The following GALNT13 variants were observed in gnomAD, a reference collection of about 807,000 sequenced individuals.
GALNT13 encodes polypeptide N-acetylgalactosaminyltransferase 13, also known as UDP-GalNAc:polypeptide N-acetylgalactosaminyltransferase 13.
A neutral mutation model predicts 64.2 loss-of-function variants in GALNT13; 28 were observed. The observed-to-expected ratio is 0.44, with a 90% CI of 0.32 to 0.60. The LOEUF (loss-of-function observed/expected upper bound fraction) is 0.60, where lower values mean the gene tolerates loss of function less well. Among genes scored for constraint, GALNT13 ranks in the 20% least tolerant of loss-of-function variants. The pLI, the probability that GALNT13 is intolerant of heterozygous loss-of-function variation, is 0.05. For missense variants in GALNT13, 577 were observed against 669.8 expected (o/e 0.86, Z 1.53); for synonymous variants, 214 against 224.6 (o/e 0.95, Z 0.42).
chr2:153,504,002 T>C, the GALNT13 span, among the ~76,000 whole-genome samples: 1 of 152,214 alleles, frequency 6.6e-6, no homozygotes, highest in Non-Finnish European at 1.5e-5. Flanking sequence ...ATATTGATTC[T>C]ACCCATCCAC....
chr2:154,285,235 G>A (rs538603035), intron 8 of GALNT13, among the ~76,000 whole-genome samples: 2 of 152,106 alleles, frequency 1.3e-5, no homozygotes, highest in East Asian at 1.9e-4. Context: ...AATTTAATTT[G>A]TCTCTTTTTG....
At chr2:153,079,673 T>G in the GALNT13 span, among the ~76,000 whole-genome samples, 12 of 152,314 alleles carry the variant, frequency 7.9e-5, no homozygotes, top group Non-Finnish European at 1.2e-4. Flanking sequence ...AATTTTTCTT[T>G]AATACTACTA....
chr2:154,065,381 C>G (rs1034215779), intron 3 of GALNT13, among the ~76,000 whole-genome samples: 1 of 152,146 alleles, frequency 6.6e-6, no homozygotes, highest in African/African-American at 2.4e-5. Context: ...CTTGAGCAAA[C>G]ATAGGTGGTA....
intron 4 of GALNT13, among the ~76,000 whole-genome samples, chr2:154,240,596 G>C (rs1039779413): frequency 2.6e-5 from 4 of 152,210 alleles, no homozygotes; most frequent in Non-Finnish European, 5.9e-5. Context: ...CTCTAGGGCA[G>C]TATATGGACG....
intron 12 of GALNT13, among the ~76,000 whole-genome samples, chr2:154,444,129 C>T (rs974785196): frequency 2.0e-5 from 3 of 151,998 alleles, no homozygotes; most frequent in African/African-American, 7.2e-5. Context: ...TGCTAGAGCC[C>T]AAGAGTTCAA....
chr2:154,411,317 TACACACACAC>T (rs59114913), intron 11 of GALNT13, among the ~76,000 whole-genome samples: 31 of 147,880 alleles, frequency 2.1e-4, no homozygotes, highest in African/African-American at 4.8e-4. Context: ...TAATTGCACA[TACACACACAC>T]ACACACACAC....
At chr2:153,301,309 C>CAAA in the GALNT13 span, among the ~76,000 whole-genome samples, 5 of 76,428 alleles carry the variant, frequency 6.5e-5, no homozygotes, top group East Asian at 2.4e-4. Flanking sequence ...GACTCCTTCT[C>CAAA]AAAAAAAAAG....
the GALNT13 span, among the ~76,000 whole-genome samples, chr2:153,515,975 G>A: frequency 2.6e-5 from 4 of 152,164 alleles, no homozygotes; most frequent in African/African-American, 4.8e-5. Flanking sequence ...GCAACTGAAT[G>A]TTTAAATTTA....
intron 3 of GALNT13, among the ~76,000 whole-genome samples, chr2:154,050,047 A>G (rs1008554900): frequency 1.3e-5 from 2 of 152,154 alleles, no homozygotes; most frequent in African/African-American, 4.8e-5. Flanking sequence ...AAAATACACC[A>G]TTTAAAATTA....
chr2:153,484,441 G>A, the GALNT13 span, among the ~76,000 whole-genome samples: 1 of 151,896 alleles, frequency 6.6e-6, no homozygotes, highest in Non-Finnish European at 1.5e-5. Context: ...TCCTTATAAT[G>A]TTTCCTATAT....
intron 1 of GALNT13, among the ~76,000 whole-genome samples, chr2:153,882,515 T>TAA (rs1352000363): frequency 6.6e-6 from 1 of 152,136 alleles, no homozygotes; most frequent in African/African-American, 2.4e-5. Context: ...TTTTGGCACT[T>TAA]ACAGTCTTTA....
the GALNT13 span, among the ~76,000 whole-genome samples, chr2:153,193,224 A>T: frequency 2.6e-5 from 4 of 151,972 alleles, no homozygotes; most frequent in East Asian, 7.7e-4. Flanking sequence ...GATAGACTGG[A>T]TTAAGAAAAT....
the GALNT13 span, among the ~76,000 whole-genome samples, chr2:153,859,148 A>G: frequency 7.9e-4 from 120 of 152,350 alleles, no homozygotes; most frequent in Middle Eastern, 3.4e-3. Context: ...AGAATAATCC[A>G]TGTGAGAAAT....
At chr2:154,218,906 A>G (rs752172548) in intron 4 of GALNT13, among the ~76,000 whole-genome samples, 1 of 151,986 alleles carries the variant, frequency 6.6e-6, no homozygotes, top group Non-Finnish European at 1.5e-5. Context: ...TTTGTATGAC[A>G]TATTGTCTTG....
chr2:154,116,150 G>A (rs1308786868), intron 3 of GALNT13, among the ~76,000 whole-genome samples: 4 of 152,156 alleles, frequency 2.6e-5, no homozygotes, highest in Non-Finnish European at 5.9e-5. Context: ...GCATGGGTCG[G>A]GGAGGGGATG....
At chr2:153,504,957 G>A in the GALNT13 span, among the ~76,000 whole-genome samples, 1 of 152,096 alleles carries the variant, frequency 6.6e-6, no homozygotes, top group South Asian at 2.1e-4. Flanking sequence ...AGTAGGATTG[G>A]TACCAATTCT....
the GALNT13 span, among the ~76,000 whole-genome samples, chr2:153,103,658 T>C: frequency 2.6e-5 from 4 of 152,364 alleles, no homozygotes; most frequent in African/African-American, 9.6e-5. Context: ...ATTTTCTTTT[T>C]AGCACTTTTC....
chr2:154,301,865 T>G (rs1693460195), intron 9 of GALNT13, among the ~76,000 whole-genome samples: 1 of 152,056 alleles, frequency 6.6e-6, no homozygotes, highest in South Asian at 2.1e-4. Context: ...TCTATATTTA[T>G]TATTAACTCG....
At chr2:153,642,090 T>C in the GALNT13 span, among the ~76,000 whole-genome samples, 17 of 151,988 alleles carry the variant, frequency 1.1e-4, no homozygotes, top group Non-Finnish European at 1.6e-4. Flanking sequence ...CTATTTAAAT[T>C]ATTTTATCTT....
Sources: gnomAD v4.1 joint callset for allele counts (sites outside exome capture counted in the v4.1 genomes callset) on GRCh38, gnomAD v4.1.1 for gene constraint, MANE v1.5 for transcripts, NCBI Gene and HGNC (gene_info 2026-07-23, HGNC 2026-07-21) for gene names.